The following COPG2 variants were observed in gnomAD, a reference collection of about 807,000 sequenced individuals.
COPG2 encodes coatomer subunit gamma-2.
COPG2 carries 37 observed loss-of-function variants against 46.3 expected under a neutral mutation model. That is an observed-to-expected ratio of 0.80 (90% CI 0.61 to 1.05). The LOEUF (loss-of-function observed/expected upper bound fraction) is 1.05. Ranked by LOEUF, COPG2 falls within the 50% of genes least tolerant of loss-of-function variation. The pLI is 0.00. For missense variants in COPG2, 427 were observed against 387.8 expected, an observed-to-expected ratio of 1.10 and a Z score of -0.85; for synonymous variants, 159 against 129.7, an observed-to-expected ratio of 1.23 and a Z score of -1.53.
At chr7:130,522,638 GGAAGAAAAGGAAATGTGCA>G (rs1293860348) in intron 20 of COPG2, among the ~76,000 whole-genome samples, 4 of 151,934 alleles carry the variant, frequency 2.6e-5, no homozygotes, top group Non-Finnish European at 4.4e-5. Flanking sequence ...GGATGCCAGA[GGAAGAAAAGGAAATGTGCA>G]GAAGAAAAGG....
At chr7:130,623,454 T>C (rs891790165) in intron 5 of COPG2, among the ~76,000 whole-genome samples, 17 of 152,208 alleles carry the variant, frequency 1.1e-4, no homozygotes, top group African/African-American at 4.1e-4. Flanking sequence ...CATGCTGTTT[T>C]AATTGTACAC....
intron 9 of COPG2, among the ~76,000 whole-genome samples, chr7:130,570,448 T>C (rs1445892469): frequency 6.6e-6 from 1 of 152,114 alleles, no homozygotes; most frequent in Non-Finnish European, 1.5e-5. Flanking sequence ...CAACCCCTTT[T>C]ACAATAGCTG....
intron 4 of COPG2, among the ~76,000 whole-genome samples, chr7:130,660,684 C>T (rs1208617137): frequency 6.6e-6 from 1 of 152,116 alleles, no homozygotes; most frequent in Non-Finnish European, 1.5e-5. Context: ...ATCTCTAAAC[C>T]TCTGACCTCT....
chr7:130,585,084 C>T lies in COPG2; in HGVS notation c.738-20691G>A, dbSNP rs948995026. 2.6e-5 allele frequency among the ~76,000 whole-genome samples: 4 copies of T among 151,972 alleles called. No individual in the cohort carries two copies. The East Asian group carries it at 7.7e-4, about 29-fold the overall frequency. On this transcript the variant is annotated intron_variant, in intron 9 of 23. Transcript: ENST00000425248. ...TCAAATTATACTATAAGGCCAGAGT[C>T]ACCAAAACAGCAAGGTACTGGTATA... is the stretch of plus-strand genomic sequence containing the variant.
chr7:130,661,977 C>G (rs73158095), intron 4 of COPG2, among the ~76,000 whole-genome samples: 29,620 of 152,086 alleles, frequency 0.19, 3,068 homozygotes, highest in Middle Eastern at 0.25. Context: ...CACACTCTTG[C>G]AGGACATCTT....
At chr7:130,637,130 A>G (rs1203082647) in intron 5 of COPG2, among the ~76,000 whole-genome samples, 2 of 152,150 alleles carry the variant, frequency 1.3e-5, no homozygotes, top group Non-Finnish European at 2.9e-5. Flanking sequence ...GAGTAACCCG[A>G]CCTTTCTCTC....
chr7:130,516,824 G>C (rs1799681895), intron 20 of COPG2, among the ~76,000 whole-genome samples: 1 of 152,170 alleles, frequency 6.6e-6, no homozygotes, highest in Non-Finnish European at 1.5e-5. Context: ...AATGGGTTTG[G>C]TCAGTATGGT....
intron 5 of COPG2, 144 bp downstream of exon 5, chr7:130,652,725 A>G (rs1795772592): frequency 3.1e-6 from 2 of 641,548 alleles, no homozygotes; most frequent in Non-Finnish European, 5.4e-6. Flanking sequence ...CACATGATGA[A>G]AACTTCATTT....
intron 5 of COPG2, among the ~76,000 whole-genome samples, chr7:130,629,774 G>C (rs1479240667): frequency 4.6e-5 from 7 of 152,066 alleles, no homozygotes; most frequent in Non-Finnish European, 1.0e-4. Context: ...AAGTCTTCTT[G>C]TGTGTCAGTT....
chr7:130,520,758 A>G (rs1799717313), intron 20 of COPG2, among the ~76,000 whole-genome samples: 2 of 152,208 alleles, frequency 1.3e-5, no homozygotes. Context: ...AAATATTTCC[A>G]AAAAACTTCT....
In COPG2 at chr7:130,626,351, G is replaced by A. The variant is rs532265212; in HGVS notation, c.324-9286C>T. ...GCCAGCCCCGAGACAACTTCCCCTCGGGCCAGAGAGATGTCAGCCTCCCGA... is the reference window on the plus strand; with the variant it reads ...GCCAGCCCCGAGACAACTTCCCCTCAGGCCAGAGAGATGTCAGCCTCCCGA... On this transcript the variant is annotated intron_variant, in intron 5 of 23. Coordinates refer to ENST00000425248, the MANE Select transcript of COPG2 (RefSeq NM_012133.6). Among the ~76,000 whole-genome samples, 5 of 150,802 alleles carry A rather than the reference G, an allele frequency of 3.3e-5. No individual in the cohort carries two copies. In the East Asian group the frequency reaches 5.8e-4, roughly 18 times the overall value.
rs974024093 is a variant in COPG2 at position 130,517,065 on chromosome 7, G to C, written c.2150-8406C>G. 4.2e-3 allele frequency among the ~76,000 whole-genome samples: 633 copies of C among 152,244 alleles called. 7 individuals carry two copies. The highest frequency in any genetic ancestry group is 0.015 in the African/African-American group (611 of 41,528). Reference sequence around the variant, plus strand: ...GACAGCTGAAAGAAGGAGGGACACAGAAGATATAGCAGCATGATTCTCTGG... The same window carrying C: ...GACAGCTGAAAGAAGGAGGGACACACAAGATATAGCAGCATGATTCTCTGG... On this transcript the variant is annotated intron_variant, in intron 20 of 23. Coordinates refer to ENST00000425248, the MANE Select transcript of COPG2 (RefSeq NM_012133.6).
intron 20 of COPG2, among the ~76,000 whole-genome samples, chr7:130,522,281 G>T (rs1799729987): frequency 2.0e-5 from 3 of 152,188 alleles, no homozygotes; most frequent in African/African-American, 7.2e-5. Flanking sequence ...TAGGAAAGAT[G>T]CATGGATTAA....
intron 5 of COPG2, among the ~76,000 whole-genome samples, chr7:130,629,392 T>C (rs1363745660): frequency 1.4e-5 from 2 of 140,602 alleles, no homozygotes; most frequent in Middle Eastern, 3.7e-3. Flanking sequence ...ATTTTATTAT[T>C]ATTATCATTT....
intron 9 of COPG2, among the ~76,000 whole-genome samples, chr7:130,565,425 A>G (rs1793786934): frequency 6.6e-6 from 1 of 152,244 alleles, no homozygotes. Context: ...ACAACAACAA[A>G]AACAACAAAC....
chr7:130,626,709 C>T (rs782251476), intron 5 of COPG2, among the ~76,000 whole-genome samples: 8 of 152,108 alleles, frequency 5.3e-5, no homozygotes, highest in Non-Finnish European at 1.0e-4. Context: ...CTTGAAAGAC[C>T]CTAAATATCC....
At chr7:130,625,878 C>T (rs1196962821) in intron 5 of COPG2, among the ~76,000 whole-genome samples, 2 of 151,938 alleles carry the variant, frequency 1.3e-5, no homozygotes, top group Non-Finnish European at 2.9e-5. Flanking sequence ...ATTTAATTCA[C>T]TTTTTATTCC....
At chr7:130,588,762 G>C (rs36168485) in intron 9 of COPG2, among the ~76,000 whole-genome samples, 1 of 151,840 alleles carries the variant, frequency 6.6e-6, no homozygotes, top group Admixed American at 6.6e-5. Context: ...AAACCTGCAC[G>C]TTGTGCACAT....
intron 9 of COPG2, among the ~76,000 whole-genome samples, chr7:130,598,021 G>A (rs1234365275): frequency 6.6e-6 from 1 of 152,172 alleles, no homozygotes; most frequent in Non-Finnish European, 1.5e-5. Flanking sequence ...ATGACACCCA[G>A]GGGGATTCTT....
Sources: gnomAD v4.1 joint callset for allele counts (sites outside exome capture counted in the v4.1 genomes callset) on GRCh38, gnomAD v4.1.1 for gene constraint, MANE v1.5 for transcripts, NCBI Gene and HGNC (gene_info 2026-07-23, HGNC 2026-07-21) for gene names.